The following FBXW8 variants were observed in gnomAD, a reference collection of about 807,000 sequenced individuals.
FBXW8 encodes the protein F-box/WD repeat-containing protein 8.
FBXW8 carries 57 observed loss-of-function variants against 65.3 expected under a neutral mutation model. The ratio of observed to expected loss-of-function variants is 0.87; its 90% CI spans 0.71 to 1.09. The LOEUF is 1.09. FBXW8 is among the 50% of genes least tolerant of loss of function. FBXW8 has a pLI of 0.00. For synonymous variants in FBXW8, 308 were observed against 330.2 expected, an observed-to-expected ratio of 0.93 and a Z score of 0.73; for missense variants, 777 against 814.8, an observed-to-expected ratio of 0.95 and a Z score of 0.57.
intron 7 of FBXW8, among the ~76,000 whole-genome samples, chr12:116,992,851 T>C (rs1166877441): frequency 6.6e-6 from 1 of 151,936 alleles, no homozygotes; most frequent in Non-Finnish European, 1.5e-5. Flanking sequence ...TGGTTTCTTA[T>C]CTTTGCAGTT....
At chr12:117,010,585 A>G (rs1953782977) in intron 8 of FBXW8, 135 bp downstream of exon 8, 3 of 1,116,148 alleles carry the variant, frequency 2.7e-6, no homozygotes, top group East Asian at 2.4e-5. Context: ...TCCCATAAAC[A>G]CTCTAGACTC....
At chr12:117,005,203 G>A (rs569070617) in intron 7 of FBXW8, among the ~76,000 whole-genome samples, 1 of 152,306 alleles carries the variant, frequency 6.6e-6, no homozygotes, top group South Asian at 2.1e-4. Flanking sequence ...GGAGGAAGGT[G>A]TTAAAGCACT....
At chr12:116,974,781 G>A (rs1884823972) in intron 5 of FBXW8, among the ~76,000 whole-genome samples, 1 of 152,168 alleles carries the variant, frequency 6.6e-6, no homozygotes, top group Non-Finnish European at 1.5e-5. Flanking sequence ...GTAACAGTAA[G>A]CACAGCTAGT....
At position 116,961,021 on chromosome 12, in the gene FBXW8, C is replaced by T. The variant is rs1883954778; in HGVS notation, c.678-3676C>T. 6.6e-6 allele frequency among the ~76,000 whole-genome samples: 1 copy of T among 152,026 alleles called. No homozygotes were observed. The highest frequency in any genetic ancestry group is 2.4e-5 in the African/African-American group (1 of 41,388). On this transcript the variant is annotated intron_variant, in intron 4 of 10. Transcript: ENST00000652555. The surrounding 1 kb of genome is among the most constrained non-coding windows in gnomAD (Gnocchi z 4.4). The stretch of plus-strand genomic sequence containing the variant: ...ATGCCTGGTTCTATCCCCAAATGGT[C>T]AGATTTATTTGGTCTGGGAGGCTGG...
intron 7 of FBXW8, among the ~76,000 whole-genome samples, chr12:116,990,263 A>G (rs964692883): frequency 6.6e-6 from 1 of 152,190 alleles, no homozygotes; most frequent in Non-Finnish European, 1.5e-5. Context: ...TTGTGCTGCA[A>G]ACTTTATCAT....
Position 116,942,410 on chromosome 12 carries a change from T to A in FBXW8, c.424-2954T>A, listed in dbSNP as rs149028870. Among the ~76,000 whole-genome samples the A allele has an allele frequency of 8.9e-4, 132 of 148,768 alleles. 1 individual carries two copies. The highest frequency in any genetic ancestry group is 3.1e-3 in the African/African-American group (126 of 40,610). On this transcript the variant is annotated intron_variant, in intron 2 of 10. Coordinates refer to ENST00000652555, the MANE Select transcript of FBXW8 (RefSeq NM_153348.3). ...TTTTTTCCGAGACAGAGTCTTGCGC[T>A]GTTGCCCAGGCTGGAGTGCAATGGC...
chr12:116,994,210 A>G (rs1953320615), intron 7 of FBXW8, among the ~76,000 whole-genome samples: 1 of 152,234 alleles, frequency 6.6e-6, no homozygotes, highest in Admixed American at 6.5e-5. Context: ...GTACTGGTAT[A>G]AAAGTAGATG....
In FBXW8 at chr12:117,030,287, A is replaced by G. The variant is rs1346213829; in HGVS notation, c.*2115A>G. 2.0e-5 allele frequency: 3 copies of G among 152,158 alleles called. No individual in the cohort carries two copies. The highest frequency in any genetic ancestry group is 7.2e-5 in the African/African-American group (3 of 41,426). The allele number at this position is 152,158 out of a possible 1,614,324, so 9.4% of individuals were successfully genotyped here. A position where few individuals can be genotyped will look rare whatever the true frequency, so the allele number is the denominator to read the frequency against. On this transcript the variant is annotated 3_prime_UTR_variant, in exon 11 of 11. Transcript: ENST00000652555. ...GAGCGCTTTCTTTCAGACCCTGCCT[A>G]CCTGCAGGCAGATGGACCGGAGGGT...
At chr12:117,001,054 T>C (rs931886404) in intron 7 of FBXW8, among the ~76,000 whole-genome samples, 4 of 152,174 alleles carry the variant, frequency 2.6e-5, no homozygotes, top group Non-Finnish European at 5.9e-5. Context: ...TCCCTCTTGG[T>C]GGTTGTGAGA....
At chr12:116,940,999 A>G (rs964368822) in intron 2 of FBXW8, among the ~76,000 whole-genome samples, 1 of 152,250 alleles carries the variant, frequency 6.6e-6, no homozygotes, top group Non-Finnish European at 1.5e-5. Context: ...CTAAGGGGAA[A>G]TATGATCGCT....
intron 5 of FBXW8, chr12:116,978,024 C>T (rs1469411442): frequency 1.3e-5 from 2 of 152,190 alleles, no homozygotes; most frequent in African/African-American, 4.8e-5. Flanking sequence ...CCTAACCAGT[C>T]GCCTCCTCCA....
chr12:116,919,123 T>C (rs1253992241), intron 1 of FBXW8, among the ~76,000 whole-genome samples: 2 of 152,162 alleles, frequency 1.3e-5, no homozygotes, highest in African/African-American at 2.4e-5. Context: ...ACTGATGCTA[T>C]GGAAAGCAAA....
At position 116,911,140 on chromosome 12, in the gene FBXW8, CGGGCTCGGCGGCCGGAGGT is replaced by C. The variant is rs749308734; in HGVS notation, c.110_128del (p.Arg37ProfsTer37). 2.8e-4 allele frequency: 372 copies of C among 1,350,260 alleles called. No homozygotes were observed. The African/African-American group carries it at 4.0e-3, about 15-fold the overall frequency. 83.6% of individuals were successfully genotyped at this position (1,350,260 alleles called of 1,614,324 possible). A position where few individuals can be genotyped will look rare whatever the true frequency, so the allele number is the denominator to read the frequency against. On this transcript the variant is annotated frameshift_variant, in exon 1 of 11. Transcript: ENST00000652555. LOFTEE classifies it high-confidence loss of function. ...GCGACGGCCCGAGGCTGCCGAGAGG[CGGGCTCGGCGGCCGGAGGT>C]GGGCTCCGGGCGCGGCGAACAGGCC...
In FBXW8 at chr12:116,964,693, C is replaced by T. The variant is rs369981569; in HGVS notation, c.678-4C>T. 68 of 1,613,502 alleles carry T rather than the reference C, an allele frequency of 4.2e-5. No individual in the cohort carries two copies. The highest frequency in any genetic ancestry group is 1.7e-4 in the Middle Eastern group (1 of 5,750). On this transcript the variant is annotated splice_region_variant and splice_polypyrimidine_tract_variant and intron_variant, in intron 4 of 10. Coordinates refer to ENST00000652555, the MANE Select transcript of FBXW8 (RefSeq NM_153348.3). ...TTGGAACCAAGTGTGTCGTTCTCTT[C>T]CAGATATACATCAGGGGATGTGAGA...
At chr12:116,989,711 AT>A (rs570600088) in intron 7 of FBXW8, among the ~76,000 whole-genome samples, 30 of 152,266 alleles carry the variant, frequency 2.0e-4, no homozygotes, top group South Asian at 1.0e-3. Context: ...TTTTTGTTTC[AT>A]TTTGGGTTTT....
At chr12:117,019,050 AC>A (rs1954026506) in intron 8 of FBXW8, among the ~76,000 whole-genome samples, 2 of 152,148 alleles carry the variant, frequency 1.3e-5, no homozygotes, top group Non-Finnish European at 2.9e-5. Context: ...CAGCATTTAT[AC>A]TTTTTCTCTT....
At chr12:116,933,957 G>A (rs1021433681) in intron 2 of FBXW8, among the ~76,000 whole-genome samples, 1 of 152,048 alleles carries the variant, frequency 6.6e-6, no homozygotes, top group Admixed American at 6.6e-5. Flanking sequence ...TAATCTAGGT[G>A]CCTTGGGATT....
At chr12:116,982,130 G>T (rs927506810) in intron 5 of FBXW8, among the ~76,000 whole-genome samples, 3 of 152,108 alleles carry the variant, frequency 2.0e-5, no homozygotes, top group African/African-American at 7.2e-5. Flanking sequence ...AGGGAGCAAA[G>T]AACAGATGGG....
intron 5 of FBXW8, among the ~76,000 whole-genome samples, chr12:116,984,597 T>C (rs1273499466): frequency 1.3e-5 from 2 of 152,224 alleles, no homozygotes; most frequent in African/African-American, 4.8e-5. Context: ...GTTTAAGCAC[T>C]GACATGATGC....
Sources: allele counts gnomAD v4.1 joint callset (sites outside exome capture counted in the v4.1 genomes callset), GRCh38; gene constraint gnomAD v4.1.1; non-coding constraint Gnocchi (gnomAD v3.1); transcripts MANE v1.5; gene names NCBI Gene and HGNC (gene_info 2026-07-23, HGNC 2026-07-21).